Variants in DONSON observed in about 807,000 individuals in gnomAD.
The protein encoded by DONSON is DNA replication fork stabilization factor DONSON.
A neutral mutation model predicts 62.1 loss-of-function variants in DONSON; 43 were observed. The ratio of observed to expected loss-of-function variants is 0.69; its 90% CI spans 0.54 to 0.89. The LOEUF is 0.89. DONSON is among the 40% of genes least tolerant of loss of function. The pLI is 0.00. For synonymous variants in DONSON, 266 were observed against 264.6 expected (o/e 1.01, Z -0.05); for missense variants, 696 against 697.5 (o/e 1.00, Z 0.03).
At chr21:33,581,088 G>T (rs1045586954) in intron 8 of DONSON, 1 of 453,824 alleles carries the variant, frequency 2.2e-6, no homozygotes, top group Non-Finnish European at 3.9e-6. Context: ...ATCTCGAAAA[G>T]AAAATAAAAA....
At chr21:33,579,256 A>G in intron 9 of DONSON, 94 bp downstream of exon 9, 1 of 929,010 alleles carries the variant, frequency 1.1e-6, no homozygotes, top group Non-Finnish European at 1.6e-6. Context: ...ATTACTTGAA[A>G]CACAATAGTG....
chr21:33,584,524 TGATA>T, intron 4 of DONSON, 62 bp downstream of exon 4: 1 of 1,424,320 alleles, frequency 7.0e-7, no homozygotes, highest in Non-Finnish European at 9.4e-7. Context: ...GTCACAAATA[TGATA>T]GAGAATGCTG....
chr21:33,586,936 G>A (rs141013492), intron 2 of DONSON, among the ~76,000 whole-genome samples: 4 of 152,240 alleles, frequency 2.6e-5, no homozygotes, highest in Admixed American at 6.5e-5. Flanking sequence ...CACTGTGCCC[G>A]GCCAAGCATT....
chr21:33,588,204 G>T (rs1176101247), intron 1 of DONSON, 117 bp downstream of exon 1: 5 of 885,710 alleles, frequency 5.6e-6, no homozygotes, highest in African/African-American at 1.7e-5. Flanking sequence ...ACGGGCGGCC[G>T]AAGTCTTCGC....
chr21:33,579,531 A>G lies in DONSON; in HGVS notation c.1382T>C (p.Leu461Pro). The G allele has an allele frequency of 6.2e-7, 1 of 1,614,226 alleles. No homozygotes were observed. The part of the protein sequence containing the change: ...ARSVNVKTQA[L>P]SGYRDQFSLE... ...ACTAAATTGGTCTCTGTATCCAGAA[A>G]GAGCTTGTGTCTTCACATTCACACT... The change falls in exon 9 of 10, where the codon CTT becomes CCT. Residue 461 changes from leucine to proline, a missense_variant. Leu to Pro is a moderately conservative substitution (Grantham distance 98, BLOSUM62 -3). Coordinates refer to ENST00000303071, the MANE Select transcript of DONSON (RefSeq NM_017613.4).
chr21:33,585,875 C>A, intron 3 of DONSON, 103 bp downstream of exon 3: 1 of 1,140,988 alleles, frequency 8.8e-7, no homozygotes, highest in Non-Finnish European at 1.3e-6. Flanking sequence ...TTTAAATTTC[C>A]AAAGAAAAAC....
rs1457390054 is a variant in DONSON at position 33,584,661 on chromosome 21, A to G, written c.714T>C (p.Asp238=). 2 of 1,613,290 alleles carry G rather than the reference A, an allele frequency of 1.2e-6. No individual in the cohort carries two copies. Among genetic ancestry groups the G allele is most frequent in the Non-Finnish European group, 1.7e-6 (2 of 1,179,404 alleles). Residue 238 remains aspartate, a synonymous_variant, in exon 4 of 10, where the codon GAT becomes GAC. Transcript: ENST00000303071. ...WLPLFPRIGA[D]RKMAGKTSPW... ...GACTTGTCTTTCCAGCCATTTTTCT[A>G]TCAGCTCCAATACGAGGGAACAGTG...
chr21:33,587,521 C>G lies in DONSON; in HGVS notation c.402+1G>C, dbSNP rs762881899. The G allele has an allele frequency of 3.2e-6, 5 of 1,585,840 alleles. No individual in the cohort carries two copies. Among genetic ancestry groups the G allele is most frequent in the Non-Finnish European group, 2.6e-6 (3 of 1,169,968 alleles). On this transcript the variant is annotated splice_donor_variant, in intron 2 of 9. Transcript: ENST00000303071. LOFTEE classifies it high-confidence loss of function. ...TTCTAATGATATTTAAAAAGTATTA[C>G]CTGAGGTAATTCAGTAACAGTTGTT... is the stretch of plus-strand genomic sequence containing the variant.
In DONSON at chr21:33,588,375, G is replaced by T; in HGVS notation, c.267C>A (p.Val89=). Residue 89 remains valine (V), a synonymous_variant, in exon 1 of 10, where the codon GTC becomes GTA. Coordinates refer to ENST00000303071, the MANE Select transcript of DONSON (RefSeq NM_017613.4). ...PFARLDNRPR[V]AAEPPDGPAR... ...CCGGCCCGTCGGGGGGCTCCGCGGC[G>T]ACCCGCGGTCGGTTGTCCAGGCGGG... 7.7e-7 allele frequency: 1 copy of T among 1,291,622 alleles called. No homozygotes were observed. The highest frequency in any genetic ancestry group is 2.7e-5 in the South Asian group (1 of 37,524). The allele number at this position is 1,291,622 out of a possible 1,614,324, so 80.0% of individuals were successfully genotyped here.
At position 33,581,260 on chromosome 21, in the gene DONSON, T is replaced by TAA. The variant is rs767518781; in HGVS notation, c.1350+40_1350+41dup. 7 of 1,574,894 alleles carry TAA rather than the reference T, an allele frequency of 4.4e-6. No homozygotes were observed. In the Admixed American group the frequency reaches 1.2e-4, roughly 28 times the overall value. On this transcript the variant is annotated intron_variant, in intron 8 of 9. Coordinates refer to ENST00000303071, the MANE Select transcript of DONSON (RefSeq NM_017613.4). ...AAATCAAGAATTTATCCTATCAAAGTAAAGTACTTCTTAAAAGCTAGGTTA... is the reference window on the plus strand; with the variant it reads ...AAATCAAGAATTTATCCTATCAAAGTAAAAAGTACTTCTTAAAAGCTAGGTTA...
Position 33,583,605 on chromosome 21 carries a change from C to T in DONSON, c.847G>A (p.Val283Ile), listed in dbSNP as rs981813053. ...AGGACAGTAAACTGATAGGTACAAACGTAGAAATAGGGGCAAAGTTTTGTC... is the reference window on the plus strand; with the variant it reads ...AGGACAGTAAACTGATAGGTACAAATGTAGAAATAGGGGCAAAGTTTTGTC... The part of the protein sequence containing the change: ...LKTKLCPYFY[V>I]CTYQFTVLFR... The change falls in exon 5 of 10, where the codon GTT becomes ATT. Residue 283 changes from valine (V) to isoleucine (I), a missense_variant. Coordinates refer to ENST00000303071, the MANE Select transcript of DONSON (RefSeq NM_017613.4). 1.7e-5 allele frequency: 27 copies of T among 1,612,482 alleles called. No individual in the cohort carries two copies. Among genetic ancestry groups the T allele is most frequent in the Non-Finnish European group, 2.0e-5 (24 of 1,179,154 alleles).
In DONSON at chr21:33,587,519, T is replaced by G; in HGVS notation, c.402+3A>C. On this transcript the variant is annotated splice_donor_region_variant and intron_variant, in intron 2 of 9. Coordinates refer to ENST00000303071, the MANE Select transcript of DONSON (RefSeq NM_017613.4). ...CATTCTAATGATATTTAAAAAGTAT[T>G]ACCTGAGGTAATTCAGTAACAGTTG... 6.3e-7 allele frequency: 1 copy of G among 1,580,692 alleles called. No individual in the cohort carries two copies.
At chr21:33,581,546 T>C (rs2086511308) in intron 7 of DONSON, 46 bp from the exon 8 acceptor site, 2 of 1,531,182 alleles carry the variant, frequency 1.3e-6, no homozygotes, top group African/African-American at 1.4e-5. Context: ...TCTCACCTAA[T>C]GTGGAAAGCA....
In DONSON at chr21:33,588,550, G is replaced by A; in HGVS notation, c.92C>T (p.Ala31Val). Residue 31 changes from alanine to valine, a missense_variant, in exon 1 of 10, where the codon GCT becomes GTT. By Grantham distance (64) the Ala-to-Val change is moderately conservative. Coordinates refer to ENST00000303071, the MANE Select transcript of DONSON (RefSeq NM_017613.4). ...LRRKRARSRG[A>V]AASPPRELTE... is the part of the protein sequence containing the mutation. The stretch of plus-strand genomic sequence containing the variant: ...CAGCTCACGGGGCGGGGAGGCGGCA[G>A]CTCCACGGCTCCGGGCCCTTTTCCG... 1 of 1,248,410 alleles carries A rather than the reference G, an allele frequency of 8.0e-7. No homozygotes were observed. The allele number at this position is 1,248,410 out of a possible 1,614,324, so 77.3% of individuals were successfully genotyped here. A position where few individuals can be genotyped will look rare whatever the true frequency, so the allele number is the denominator to read the frequency against.
intron 8 of DONSON, 42 bp downstream of exon 8, chr21:33,581,255 CAAAGT>C (rs761874183): frequency 7.8e-6 from 12 of 1,532,628 alleles, no homozygotes; most frequent in East Asian, 2.3e-5. Flanking sequence ...TTTATCCTAT[CAAAGT>C]AAAGTACTTC....
chr21:33,578,345 C>T lies in DONSON; in HGVS notation c.1663G>A (p.Val555Met). The change falls in exon 10 of 10, where the codon GTG becomes ATG. Residue 555 changes from valine to methionine, a missense_variant. Transcript: ENST00000303071. ...TTATAAATGTAGTCTCTCAGCACCACATTCCGTAAAGATGATTTCCCAAGT... is the reference window on the plus strand; with the variant it reads ...TTATAAATGTAGTCTCTCAGCACCATATTCCGTAAAGATGATTTCCCAAGT... ...PLLGKSSLRN[V>M]VLRDYIYNWR... The T allele has an allele frequency of 1.2e-6, 2 of 1,614,058 alleles. No individual in the cohort carries two copies. Among genetic ancestry groups the T allele is most frequent in the Non-Finnish European group, 1.7e-6 (2 of 1,179,970 alleles).
intron 2 of DONSON, among the ~76,000 whole-genome samples, chr21:33,586,825 C>T (rs1450788338): frequency 6.6e-6 from 1 of 151,732 alleles, no homozygotes; most frequent in Non-Finnish European, 1.5e-5. Flanking sequence ...TTAGTCGAGA[C>T]GGGGGTTTCG....
rs1376125241 is a variant in DONSON at position 33,578,132 on chromosome 21, TTATATC to T, written c.*169_*174del. 1.4e-5 allele frequency: 9 copies of T among 641,092 alleles called. No homozygotes were observed. Among genetic ancestry groups the T allele is most frequent in the Admixed American group, 6.7e-5 (2 of 29,998 alleles). The allele number at this position is 641,092 out of a possible 1,614,324, so 39.7% of individuals were successfully genotyped here. On this transcript the variant is annotated 3_prime_UTR_variant, in exon 10 of 10. Coordinates refer to ENST00000303071, the MANE Select transcript of DONSON (RefSeq NM_017613.4). ...TTTGAGTTATCTGAGTTTTTCATCT[TTATATC>T]TAAAAATCTAATCTGAAAATAGTAA...
chr21:33,586,542 C>CTTT (rs1310678747), intron 2 of DONSON, among the ~76,000 whole-genome samples: 1 of 152,162 alleles, frequency 6.6e-6, no homozygotes, highest in Non-Finnish European at 1.5e-5. Context: ...GCATCCAGGG[C>CTTT]TAACAAAGCC....
Sources: allele counts gnomAD v4.1 joint callset (sites outside exome capture counted in the v4.1 genomes callset), GRCh38; gene constraint gnomAD v4.1.1; transcripts MANE v1.5; gene names NCBI Gene and HGNC (gene_info 2026-07-23, HGNC 2026-07-21).